Variants in PHLDB2 observed in about 807,000 individuals in gnomAD.
PHLDB2 encodes pleckstrin homology like domain family B member 2, also known as pleckstrin homology-like domain family B member 2.
In PHLDB2, 71 loss-of-function variants were observed where a neutral mutation model predicts 123.6. The observed-to-expected ratio is 0.57, with a 90% CI of 0.47 to 0.70. The LOEUF (loss-of-function observed/expected upper bound fraction) is 0.70. Among genes scored for constraint, PHLDB2 ranks in the 30% least tolerant of loss-of-function variants. The pLI is 0.00. For missense variants in PHLDB2, 1,446 were observed against 1,519.5 expected, an observed-to-expected ratio of 0.95 and a Z score of 0.80; for synonymous variants, 547 against 541.6, an observed-to-expected ratio of 1.01 and a Z score of -0.14.
chr3:111,922,971 C>T (rs1205833592), intron 5 of PHLDB2, among the ~76,000 whole-genome samples: 3 of 152,186 alleles, frequency 2.0e-5, no homozygotes, highest in Non-Finnish European at 2.9e-5. Context: ...CCCTCACCCC[C>T]TGGGGTCAGT....
intron 1 of PHLDB2, among the ~76,000 whole-genome samples, chr3:111,808,897 G>C (rs1191267879): frequency 6.6e-6 from 1 of 152,082 alleles, no homozygotes; most frequent in Non-Finnish European, 1.5e-5. Flanking sequence ...CATCCATTTA[G>C]AACTCTACTA....
chr3:111,813,997 AATTCAACTCCCACAGTGTGCCAGG>A (rs1383764673), intron 1 of PHLDB2, among the ~76,000 whole-genome samples: 2 of 152,206 alleles, frequency 1.3e-5, no homozygotes, highest in Non-Finnish European at 2.9e-5. Flanking sequence ...GGGAGATCTT[AATTCAACTCCCACAGTGTGCCAGG>A]TAGAGGTGAA....
In PHLDB2 at chr3:111,913,556, C is replaced by G; in HGVS notation, c.1573C>G (p.Leu525Val). 6.2e-7 allele frequency: 1 copy of G among 1,614,130 alleles called. No individual in the cohort carries two copies. The highest frequency in any genetic ancestry group is 8.5e-7 in the Non-Finnish European group (1 of 1,180,014). The change falls in exon 3 of 18, where the codon CTC becomes GTC. Residue 525 changes from leucine to valine, a missense_variant. Transcript: ENST00000431670. ...TGCAGACTTGGCAAGCTGTGGGAGT[C>G]TCAGTCAGAGCAGTGCCAGCTTCTT... ...PDADLASCGS[L>V]SQSSASFFTP... is the part of the protein sequence containing the mutation.
intron 1 of PHLDB2, among the ~76,000 whole-genome samples, chr3:111,827,055 G>A (rs1008469920): frequency 3.3e-5 from 5 of 152,238 alleles, no homozygotes; most frequent in South Asian, 2.1e-4. Context: ...AAAAGGAAAG[G>A]AAAAACAAAC....
At chr3:111,777,038 C>T (rs2060278228) in intron 1 of PHLDB2, among the ~76,000 whole-genome samples, 1 of 136,724 alleles carries the variant, frequency 7.3e-6, no homozygotes, top group African/African-American at 3.2e-5. Context: ...AGCTGAGAGC[C>T]AGTTACAGGC....
intron 1 of PHLDB2, among the ~76,000 whole-genome samples, chr3:111,757,896 G>C (rs1410580367): frequency 6.6e-6 from 1 of 152,222 alleles, no homozygotes; most frequent in East Asian, 1.9e-4. Flanking sequence ...GGTATCTGCA[G>C]CGGTGGCTGC....
At chr3:111,911,196 A>G (rs2067861540) in intron 2 of PHLDB2, among the ~76,000 whole-genome samples, 1 of 152,244 alleles carries the variant, frequency 6.6e-6, no homozygotes, top group South Asian at 2.1e-4. Flanking sequence ...TTTGAACACC[A>G]CACCTTAGAG....
chr3:111,802,700 T>TA (rs1212889638), intron 1 of PHLDB2, among the ~76,000 whole-genome samples: 2 of 152,256 alleles, frequency 1.3e-5, no homozygotes, highest in Non-Finnish European at 2.9e-5. Flanking sequence ...AGTTTTAACT[T>TA]ACATTCGTTA....
Position 111,969,741 on chromosome 3 carries a change from C to G in PHLDB2, c.3367C>G (p.Arg1123Gly). 7 of 1,614,004 alleles carry G rather than the reference C, an allele frequency of 4.3e-6. No individual in the cohort carries two copies. Among genetic ancestry groups the G allele is most frequent in the Non-Finnish European group, 5.9e-6 (7 of 1,179,916 alleles). ...LPVRKEDFDL[R>G]SHVETAGHNI... ...TGTCCGGAAGGAAGACTTTGATTTGCGGAGCCATGTAGAGACTGCTGGCCA... is the reference window on the plus strand; with the variant it reads ...TGTCCGGAAGGAAGACTTTGATTTGGGGAGCCATGTAGAGACTGCTGGCCA... Residue 1123 changes from arginine to glycine, a missense_variant, in exon 16 of 18, where the codon CGG becomes GGG. By Grantham distance (125) the Arg-to-Gly change is moderately radical (BLOSUM62 -2). This residue lies in a region of PHLDB2 where 594 missense variants were observed against 646.0 expected (regional missense o/e 0.92). Transcript: ENST00000431670.
intron 12 of PHLDB2, 199 bp from the exon 13 acceptor site, chr3:111,961,909 C>G: frequency 1.8e-6 from 1 of 541,494 alleles, no homozygotes; most frequent in Non-Finnish European, 3.2e-6. Flanking sequence ...GTAAGAGACT[C>G]AGCAGACCAC....
At chr3:111,761,832 G>T (rs1311265705) in intron 1 of PHLDB2, among the ~76,000 whole-genome samples, 1 of 152,116 alleles carries the variant, frequency 6.6e-6, no homozygotes, top group Non-Finnish European at 1.5e-5. Context: ...GCCATGACTG[G>T]TTTATTTACC....
chr3:111,968,481 T>C (rs16858964), intron 15 of PHLDB2, among the ~76,000 whole-genome samples: 17,564 of 152,246 alleles, frequency 0.12, 1,199 homozygotes, highest in Non-Finnish European at 0.15. Flanking sequence ...TTCTTGTCAC[T>C]ATAGCTGCTT....
At chr3:111,742,051 T>C (rs2059612888) in intron 1 of PHLDB2, among the ~76,000 whole-genome samples, 1 of 152,198 alleles carries the variant, frequency 6.6e-6, no homozygotes, top group African/African-American at 2.4e-5. Context: ...CTGAGTCTAC[T>C]CTCCAAATGT....
chr3:111,776,100 C>G (rs1576561092), intron 1 of PHLDB2, among the ~76,000 whole-genome samples: 1 of 152,236 alleles, frequency 6.6e-6, no homozygotes, highest in African/African-American at 2.4e-5. Context: ...AGACTGAGAG[C>G]CCCTCATAAC....
chr3:111,959,331 G>T (rs999602812), intron 12 of PHLDB2, among the ~76,000 whole-genome samples: 2 of 152,258 alleles, frequency 1.3e-5, no homozygotes, highest in Non-Finnish European at 2.9e-5. Context: ...CCAGGTGACA[G>T]TGGGGTTCAC....
intron 6 of PHLDB2, among the ~76,000 whole-genome samples, chr3:111,936,370 A>C (rs1443078): frequency 0.073 from 11,116 of 152,210 alleles, 427 homozygotes; most frequent in Non-Finnish European, 0.088. Context: ...TCCTGTGTAT[A>C]TTATTCTGTG....
intron 1 of PHLDB2, among the ~76,000 whole-genome samples, chr3:111,882,295 A>G (rs971976558): frequency 1.3e-5 from 2 of 152,182 alleles, no homozygotes; most frequent in African/African-American, 4.8e-5. Context: ...CTGGAATTTC[A>G]GTATGGCAAG....
intron 1 of PHLDB2, among the ~76,000 whole-genome samples, chr3:111,869,326 C>G (rs747030419): frequency 6.6e-6 from 1 of 152,040 alleles, no homozygotes; most frequent in Non-Finnish European, 1.5e-5. Flanking sequence ...TCATTATCCC[C>G]CATCACTCTC....
chr3:111,782,808 G>A (rs899217103), intron 1 of PHLDB2, among the ~76,000 whole-genome samples: 4 of 152,058 alleles, frequency 2.6e-5, no homozygotes, highest in Non-Finnish European at 4.4e-5. Context: ...CACATATGAG[G>A]TGATAAATAG....
Sources: gnomAD v4.1 joint callset for allele counts (sites outside exome capture counted in the v4.1 genomes callset) on GRCh38, gnomAD v4.1.1 for gene constraint, gnomAD v4.1.1 regional missense constraint, MANE v1.5 for transcripts, NCBI Gene and HGNC (gene_info 2026-07-23, HGNC 2026-07-21) for gene names.